The following ARFGEF2 variants were observed in gnomAD, a reference collection of about 807,000 sequenced individuals.
The protein encoded by ARFGEF2 is brefeldin A-inhibited guanine nucleotide-exchange protein 2.
A neutral mutation model predicts 219.9 loss-of-function variants in ARFGEF2; 74 were observed. That is an observed-to-expected ratio of 0.34 (90% CI 0.28 to 0.41). The LOEUF is 0.41. ARFGEF2 is among the 10% of genes least tolerant of loss of function. The probability of loss-of-function intolerance (pLI) is 1.00; values close to 1 mark genes in which losing one functional copy is unlikely to be tolerated. For synonymous variants in ARFGEF2, 733 were observed against 799.2 expected, an observed-to-expected ratio of 0.92 and a Z score of 1.40; for missense variants, 1,743 against 2,218.3, an observed-to-expected ratio of 0.79 and a Z score of 4.30.
Position 49,018,358 on chromosome 20 carries a change from G to A in ARFGEF2, c.4510-526G>A, listed in dbSNP as rs542550650. ...AGCGATTCTCATGCCTCAGCCTCCC[G>A]CCAAGTAGCTGGGATTACAGGTGCC... is the stretch of plus-strand genomic sequence containing the variant. On this transcript the variant is annotated intron_variant, in intron 33 of 38. Coordinates refer to ENST00000371917, the MANE Select transcript of ARFGEF2 (RefSeq NM_006420.3). Among the ~76,000 whole-genome samples, 155 of 151,942 alleles carry A rather than the reference G, an allele frequency of 1.0e-3. 1 individual carries two copies. Among genetic ancestry groups the A allele is most frequent in the Non-Finnish European group, 1.6e-3 (109 of 67,954 alleles).
chr20:48,924,247 C>T (rs978064873), intron 1 of ARFGEF2, among the ~76,000 whole-genome samples: 4 of 152,122 alleles, frequency 2.6e-5, no homozygotes, highest in Non-Finnish European at 4.4e-5. Context: ...CGGTGGCTCA[C>T]GCCTGTAATC....
At chr20:49,004,177 A>G (rs1055827094) in intron 25 of ARFGEF2, among the ~76,000 whole-genome samples, 18 of 152,196 alleles carry the variant, frequency 1.2e-4, no homozygotes, top group African/African-American at 4.3e-4. Flanking sequence ...CCTGGCCAAC[A>G]TGGTGAAACC....
At chr20:48,946,381 G>A (rs2091026799) in intron 3 of ARFGEF2, among the ~76,000 whole-genome samples, 1 of 151,984 alleles carries the variant, frequency 6.6e-6, no homozygotes, top group Admixed American at 6.6e-5. Flanking sequence ...TCTGCTACAC[G>A]CTTCCCCGCA....
chr20:49,022,851 C>T (rs1480429672), intron 34 of ARFGEF2, among the ~76,000 whole-genome samples, 200 bp from the exon 35 acceptor site: 1 of 151,658 alleles, frequency 6.6e-6, no homozygotes, highest in Non-Finnish European at 1.5e-5. Context: ...TGTGGTGGCT[C>T]ATGCTGTAAT....
Position 49,036,480 on chromosome 20 carries a change from T to C in ARFGEF2, c.*3281T>C, listed in dbSNP as rs1185821891. On this transcript the variant is annotated 3_prime_UTR_variant, in exon 39 of 39. Coordinates refer to ENST00000371917, the MANE Select transcript of ARFGEF2 (RefSeq NM_006420.3). The stretch of plus-strand genomic sequence containing the variant: ...AAAAGTTAGTTAATAGTTACTTTGG[T>C]TTAACCTATACACAATGATTAAGTG... The C allele has an allele frequency of 5.4e-6, 2 of 371,490 alleles. No individual in the cohort carries two copies. The highest frequency in any genetic ancestry group is 7.8e-5 in the East Asian group (2 of 25,762). The allele number at this position is 371,490 out of a possible 1,614,324, so 23.0% of individuals were successfully genotyped here.
intron 34 of ARFGEF2, 134 bp from the exon 35 acceptor site, chr20:49,022,917 C>G: frequency 8.2e-7 from 1 of 1,225,266 alleles, no homozygotes; most frequent in Non-Finnish European, 1.2e-6. Flanking sequence ...GAGTTCAGGA[C>G]CAGCCTGGAG....
chr20:49,015,010 T>C (rs979732480), intron 30 of ARFGEF2, among the ~76,000 whole-genome samples: 3 of 152,214 alleles, frequency 2.0e-5, no homozygotes, highest in African/African-American at 7.2e-5. Flanking sequence ...TCTATGAAAA[T>C]AGAATTCCAA....
chr20:49,012,365 T>C (rs547563675), intron 28 of ARFGEF2, among the ~76,000 whole-genome samples: 6 of 152,216 alleles, frequency 3.9e-5, no homozygotes, highest in Non-Finnish European at 8.8e-5. Context: ...TTGGCAAAGC[T>C]CAAGAAGCTA....
At chr20:49,006,247 T>C (rs974383297) in intron 26 of ARFGEF2, among the ~76,000 whole-genome samples, 4 of 151,868 alleles carry the variant, frequency 2.6e-5, no homozygotes, top group Non-Finnish European at 4.4e-5. Flanking sequence ...TGAGCCAAGA[T>C]CACACCATTG....
chr20:49,009,350 G>C (rs2091482129), intron 26 of ARFGEF2, among the ~76,000 whole-genome samples: 1 of 151,582 alleles, frequency 6.6e-6, no homozygotes, highest in Admixed American at 6.6e-5. Flanking sequence ...TTCTAAGCCA[G>C]ATAAAATTTG....
intron 3 of ARFGEF2, among the ~76,000 whole-genome samples, chr20:48,948,501 T>C (rs578237821): frequency 6.6e-6 from 1 of 152,312 alleles, no homozygotes; most frequent in Non-Finnish European, 1.5e-5. Flanking sequence ...GCAAAGTAAA[T>C]AGAACCAACT....
intron 12 of ARFGEF2, among the ~76,000 whole-genome samples, chr20:48,973,677 T>C (rs1325257032): frequency 6.6e-6 from 1 of 152,168 alleles, no homozygotes; most frequent in African/African-American, 2.4e-5. Flanking sequence ...GATTGGCTAG[T>C]AGCAGAATAC....
chr20:48,948,035 G>C (rs1398640901), intron 3 of ARFGEF2, among the ~76,000 whole-genome samples: 1 of 152,044 alleles, frequency 6.6e-6, no homozygotes, highest in African/African-American at 2.4e-5. Context: ...TTATCTTTTA[G>C]CTCTTATTTC....
intron 3 of ARFGEF2, among the ~76,000 whole-genome samples, chr20:48,946,425 T>C (rs934463155): frequency 1.3e-5 from 2 of 152,000 alleles, no homozygotes. Context: ...TTAAGGTCAG[T>C]CTTGTCTAAG....
chr20:49,018,812 A>G, intron 33 of ARFGEF2, 72 bp from the exon 34 acceptor site: 1 of 1,281,608 alleles, frequency 7.8e-7, no homozygotes, highest in Middle Eastern at 1.8e-4. Context: ...AGCCGTGTTA[A>G]AACAGGCACA....
chr20:48,992,979 G>A (rs984050429), intron 21 of ARFGEF2, among the ~76,000 whole-genome samples: 2 of 152,204 alleles, frequency 1.3e-5, no homozygotes, highest in Admixed American at 1.3e-4. Flanking sequence ...GAGCCCAGGA[G>A]TTCAAGGCTG....
intron 35 of ARFGEF2, among the ~76,000 whole-genome samples, chr20:49,025,045 C>T (rs1437105423): frequency 6.6e-6 from 1 of 152,130 alleles, no homozygotes; most frequent in Non-Finnish European, 1.5e-5. Context: ...ATTGGAGACA[C>T]ACACACTCCT....
At chr20:48,938,692 A>G (rs1458348084) in intron 1 of ARFGEF2, among the ~76,000 whole-genome samples, 1 of 152,206 alleles carries the variant, frequency 6.6e-6, no homozygotes, top group South Asian at 2.1e-4. Flanking sequence ...TTTTAAAACA[A>G]TTGAAGGTGT....
intron 9 of ARFGEF2, 81 bp downstream of exon 9, chr20:48,969,358 C>G: frequency 2.5e-6 from 4 of 1,610,718 alleles, no homozygotes; most frequent in Admixed American, 3.3e-5. Flanking sequence ...TTCCCTTGTT[C>G]CAAGAAGTTT....
Sources: gnomAD v4.1 joint callset for allele counts (sites outside exome capture counted in the v4.1 genomes callset) on GRCh38, gnomAD v4.1.1 for gene constraint, MANE v1.5 for transcripts, NCBI Gene and HGNC (gene_info 2026-07-23, HGNC 2026-07-21) for gene names.